PRKCE: variants seen among roughly 807,000 people sequenced by gnomAD.
PRKCE encodes the protein protein kinase C epsilon type.
A neutral mutation model predicts 85.4 loss-of-function variants in PRKCE; 16 were observed. The observed-to-expected ratio is 0.19, with a 90% CI of 0.13 to 0.28. The LOEUF (loss-of-function observed/expected upper bound fraction) is 0.28. Ranked by LOEUF, PRKCE falls within the 10% of genes least tolerant of loss-of-function variation. PRKCE has a pLI of 1.00. For missense variants in PRKCE, 573 were observed against 975.2 expected (o/e 0.59, Z 5.49); for synonymous variants, 388 against 371.5 (o/e 1.04, Z -0.51).
chr2:45,849,574 G>C (rs914993545), intron 2 of PRKCE, among the ~76,000 whole-genome samples: 10 of 152,158 alleles, frequency 6.6e-5, no homozygotes, highest in Admixed American at 2.0e-4. Flanking sequence ...GGACCTCAAA[G>C]CCAGACACCA....
In PRKCE at chr2:46,101,943, C is replaced by A. The variant is rs530672459; in HGVS notation, c.1592+15581C>A. On this transcript the variant is annotated intron_variant, in intron 11 of 14. Transcript: ENST00000306156. ...TATGGTATAAATATTCTCCCTGGGG[C>A]CAGTTTCAGGCTATCCATGTTGAAC... is the stretch of plus-strand genomic sequence containing the variant. Among the ~76,000 whole-genome samples the A allele has an allele frequency of 4.6e-5, 7 of 151,586 alleles. No individual in the cohort carries two copies. The East Asian group carries it at 1.4e-3, about 30-fold the overall frequency.
At chr2:45,982,006 A>G (rs61764801) in intron 5 of PRKCE, among the ~76,000 whole-genome samples, 104 of 152,358 alleles carry the variant, frequency 6.8e-4, no homozygotes, top group African/African-American at 2.4e-3. Context: ...CTTTCCTGGC[A>G]TATTGAGCAG....
chr2:46,106,187 C>A (rs1671699896), intron 11 of PRKCE, among the ~76,000 whole-genome samples: 1 of 152,104 alleles, frequency 6.6e-6, no homozygotes. Flanking sequence ...TCATGTTGTT[C>A]AAGGGCCAAT....
rs989038809 is a variant in PRKCE at position 45,753,779 on chromosome 2, G to A, written c.349-89221G>A. Among the ~76,000 whole-genome samples the A allele has an allele frequency of 7.2e-5, 11 of 151,950 alleles. No homozygotes were observed. The East Asian group carries it at 7.7e-4, about 11-fold the overall frequency. ...CATTTTTGCTTCATCTTTTTCTTGCGGAAATATTCTAAAGCCAATCCCAGA... is the reference window on the plus strand; with the variant it reads ...CATTTTTGCTTCATCTTTTTCTTGCAGAAATATTCTAAAGCCAATCCCAGA... On this transcript the variant is annotated intron_variant, in intron 1 of 14. Transcript: ENST00000306156.
intron 1 of PRKCE, among the ~76,000 whole-genome samples, chr2:45,830,659 A>G (rs867596131): frequency 4.2e-5 from 6 of 142,250 alleles, no homozygotes; most frequent in South Asian, 2.4e-4. Flanking sequence ...ACCCTGAGAC[A>G]TATCACTGTG....
chr2:46,026,205 G>A (rs540627855), intron 10 of PRKCE, among the ~76,000 whole-genome samples: 9 of 152,284 alleles, frequency 5.9e-5, no homozygotes, highest in South Asian at 4.2e-4. Context: ...AGTAAAAAGC[G>A]CAGTCTAAGC....
intron 1 of PRKCE, among the ~76,000 whole-genome samples, chr2:45,830,763 G>A (rs536811819): frequency 3.9e-5 from 6 of 152,220 alleles, no homozygotes; most frequent in Non-Finnish European, 7.3e-5. Context: ...GCTGACATCA[G>A]AGTCCATTGA....
intron 2 of PRKCE, among the ~76,000 whole-genome samples, chr2:45,845,994 A>G (rs1171407006): frequency 6.6e-6 from 1 of 152,190 alleles, no homozygotes; most frequent in South Asian, 2.1e-4. Context: ...GGTGCTAGGT[A>G]TGGTGCTAGG....
At chr2:46,180,757 G>A (rs950118228) in intron 14 of PRKCE, among the ~76,000 whole-genome samples, 1 of 152,196 alleles carries the variant, frequency 6.6e-6, no homozygotes, top group Non-Finnish European at 1.5e-5. Flanking sequence ...GAAACCTATA[G>A]TGTGCCTGTT....
intron 2 of PRKCE, among the ~76,000 whole-genome samples, chr2:45,869,997 C>T (rs568153781): frequency 5.3e-5 from 8 of 152,142 alleles, no homozygotes; most frequent in East Asian, 1.9e-4. Flanking sequence ...AGAGCCACTG[C>T]GCCCGGCCCC....
chr2:45,672,442 C>G (rs984718297), intron 1 of PRKCE, among the ~76,000 whole-genome samples: 4 of 152,244 alleles, frequency 2.6e-5, no homozygotes, highest in African/African-American at 9.6e-5. Flanking sequence ...CTCCATCCAT[C>G]CATCCAGCCA....
intron 1 of PRKCE, among the ~76,000 whole-genome samples, chr2:45,667,339 A>G (rs937880298): frequency 1.3e-5 from 2 of 151,996 alleles, no homozygotes; most frequent in African/African-American, 4.8e-5. Context: ...ATCGAGATGG[A>G]GTCTCACTGT....
At chr2:45,653,084 T>C (rs1010889204) in intron 1 of PRKCE, among the ~76,000 whole-genome samples, 5 of 152,196 alleles carry the variant, frequency 3.3e-5, no homozygotes, top group African/African-American at 4.8e-5. Flanking sequence ...GCAGAATGAA[T>C]GTTGCATTTT....
chr2:45,754,395 T>C (rs1480338251), intron 1 of PRKCE, among the ~76,000 whole-genome samples: 3 of 152,230 alleles, frequency 2.0e-5, no homozygotes, highest in Non-Finnish European at 4.4e-5. Context: ...AGAGGAGTTC[T>C]TGGCCCTGAA....
rs1345575636 is a variant in PRKCE, at chr2:46,187,808, T to TA, written c.*2927_*2928insA. The TA allele has an allele frequency of 4.0e-5, 6 of 149,848 alleles. No individual in the cohort carries two copies. The highest frequency in any genetic ancestry group is 4.0e-4 in the Admixed American group (6 of 15,126). The allele number at this position is 149,848 out of a possible 1,614,324, so 9.3% of individuals were successfully genotyped here. A position where few individuals can be genotyped will look rare whatever the true frequency, so the allele number is the denominator to read the frequency against. ...GTAAAATGTATTCAATTTTAGGATTTTTTTTTTTTGTATTGTGATGCTTTA... is the reference window on the plus strand; with the variant it reads ...GTAAAATGTATTCAATTTTAGGATTTATTTTTTTTTGTATTGTGATGCTTTA... On this transcript the variant is annotated 3_prime_UTR_variant, in exon 15 of 15. Transcript: ENST00000306156.
At chr2:46,171,787 C>G (rs1276548868) in intron 14 of PRKCE, among the ~76,000 whole-genome samples, 1 of 152,232 alleles carries the variant, frequency 6.6e-6, no homozygotes, top group Non-Finnish European at 1.5e-5. Flanking sequence ...GAAGCTAAGG[C>G]TGTCCCAGGC....
At chr2:45,822,031 C>T (rs1007772459) in intron 1 of PRKCE, among the ~76,000 whole-genome samples, 6 of 152,250 alleles carry the variant, frequency 3.9e-5, no homozygotes, top group East Asian at 3.9e-4. Flanking sequence ...GACCTGTAGC[C>T]GGCTTCGGCT....
intron 2 of PRKCE, among the ~76,000 whole-genome samples, chr2:45,884,858 G>A (rs1695127219): frequency 6.6e-6 from 1 of 150,460 alleles, no homozygotes; most frequent in African/African-American, 2.5e-5. Context: ...GCTTACTTCT[G>A]TCTCCTTCTG....
intron 1 of PRKCE, among the ~76,000 whole-genome samples, chr2:45,768,854 C>A (rs546765368): frequency 2.4e-4 from 37 of 152,320 alleles, no homozygotes; most frequent in African/African-American, 8.7e-4. Context: ...AATGTTGTGT[C>A]TCCACCTTGC....
Sources: gnomAD v4.1 joint callset for allele counts (sites outside exome capture counted in the v4.1 genomes callset) on GRCh38, gnomAD v4.1.1 for gene constraint, MANE v1.5 for transcripts, NCBI Gene and HGNC (gene_info 2026-07-23, HGNC 2026-07-21) for gene names.